Variants in UBXN2B observed in about 807,000 individuals in gnomAD.
UBXN2B encodes the protein UBX domain protein 2B.
Under a neutral mutation model 37.5 loss-of-function variants are expected in UBXN2B, and 19 were observed. That is an observed-to-expected ratio of 0.51 (90% CI 0.35 to 0.74). UBXN2B has a LOEUF of 0.74. Ranked by LOEUF, UBXN2B falls within the 30% of genes least tolerant of loss-of-function variation. UBXN2B has a pLI of 0.01. For synonymous variants in UBXN2B, 145 were observed against 143.8 expected (o/e 1.01, Z -0.06); for missense variants, 370 against 393.2 (o/e 0.94, Z 0.50).
intron 2 of UBXN2B, chr8:58,425,525 G>C (rs1448755411): frequency 2.5e-5 from 27 of 1,091,274 alleles, no homozygotes; most frequent in Non-Finnish European, 3.8e-5. Flanking sequence ...TCAAAGGGCA[G>C]GTTATTTTTA....
At chr8:58,425,925 C>T (rs1327776142) in intron 2 of UBXN2B, 8 of 1,321,470 alleles carry the variant, frequency 6.1e-6, no homozygotes, top group East Asian at 4.6e-5. Flanking sequence ...ACAGAGAGAA[C>T]AAAATCTCCA....
intron 2 of UBXN2B, among the ~76,000 whole-genome samples, chr8:58,428,333 TG>T (rs1191497416): frequency 3.3e-5 from 5 of 152,200 alleles, no homozygotes; most frequent in Admixed American, 3.3e-4. Flanking sequence ...TCATTCAACT[TG>T]TACTGGAGGT....
In UBXN2B at chr8:58,424,641, C is replaced by T. The variant is rs1198408555; in HGVS notation, c.189-5878C>T. The T allele has an allele frequency of 1.1e-5, 13 of 1,230,546 alleles. No individual in the cohort carries two copies. The South Asian group carries it at 1.6e-4, about 15-fold the overall frequency. 76.2% of individuals were successfully genotyped at this position (1,230,546 alleles called of 1,614,324 possible). On this transcript the variant is annotated intron_variant, in intron 2 of 7. Coordinates refer to ENST00000399598, the MANE Select transcript of UBXN2B (RefSeq NM_001077619.2). ...AGGCCCACGTTTTCATACACTCTAG[C>T]ACTGTCTGCTCTCATTTCTGCACAG...
intron 5 of UBXN2B, chr8:58,435,223 T>C: frequency 2.0e-6 from 2 of 1,005,630 alleles, no homozygotes; most frequent in Non-Finnish European, 2.6e-6. Context: ...ACCAGAGTTA[T>C]ATATACAGGG....
At chr8:58,426,748 T>G in intron 2 of UBXN2B, 1 of 653,268 alleles carries the variant, frequency 1.5e-6, no homozygotes, top group Non-Finnish European at 2.9e-6. Context: ...CTGGGCTCGG[T>G]CACGTTGGGC....
chr8:58,443,215 C>G (rs1314085869), intron 6 of UBXN2B, among the ~76,000 whole-genome samples: 2 of 152,186 alleles, frequency 1.3e-5, no homozygotes, highest in Non-Finnish European at 2.9e-5. Context: ...CGGGAATTCA[C>G]ATTCTTATTA....
At chr8:58,416,005 C>A (rs530778734) in intron 1 of UBXN2B, among the ~76,000 whole-genome samples, 1 of 147,098 alleles carries the variant, frequency 6.8e-6, no homozygotes, top group African/African-American at 2.5e-5. Flanking sequence ...GCATTTTAAT[C>A]TGTTTTGTTA....
chr8:58,418,026 A>G (rs919927382), intron 2 of UBXN2B, among the ~76,000 whole-genome samples: 1 of 152,112 alleles, frequency 6.6e-6, no homozygotes, highest in Non-Finnish European at 1.5e-5. Flanking sequence ...AGATCACTTG[A>G]GGTCAGGAGT....
At chr8:58,446,370 A>G (rs1427670616) in intron 7 of UBXN2B, among the ~76,000 whole-genome samples, 2 of 152,228 alleles carry the variant, frequency 1.3e-5, no homozygotes, top group South Asian at 2.1e-4. Flanking sequence ...AAGTCGAATC[A>G]GATTTAATTT....
intron 3 of UBXN2B, among the ~76,000 whole-genome samples, chr8:58,432,409 G>A (rs1206558655): frequency 1.5e-5 from 2 of 131,198 alleles, no homozygotes; most frequent in Non-Finnish European, 3.1e-5. Flanking sequence ...TTGAGACAGG[G>A]TCTCGCTCTG....
intron 5 of UBXN2B, among the ~76,000 whole-genome samples, chr8:58,437,549 C>T (rs1808445894): frequency 6.6e-6 from 1 of 151,574 alleles, no homozygotes; most frequent in Admixed American, 6.6e-5. Flanking sequence ...GATCTTGAAC[C>T]CCTGACCTTA....
At chr8:58,411,953 G>A (rs1249525021) in intron 1 of UBXN2B, among the ~76,000 whole-genome samples, 1 of 152,194 alleles carries the variant, frequency 6.6e-6, no homozygotes, top group Non-Finnish European at 1.5e-5. Flanking sequence ...AAGGGGTGAA[G>A]GAAAGCGATG....
intron 2 of UBXN2B, among the ~76,000 whole-genome samples, chr8:58,417,299 A>G (rs1421911193): frequency 6.6e-6 from 1 of 152,174 alleles, no homozygotes; most frequent in Non-Finnish European, 1.5e-5. Context: ...TAAGGGTCTG[A>G]TGAAAGCTAT....
intron 2 of UBXN2B, among the ~76,000 whole-genome samples, chr8:58,430,121 C>G (rs1209891623): frequency 1.3e-5 from 2 of 152,302 alleles, no homozygotes; most frequent in East Asian, 3.9e-4. Context: ...TCGTCACTAA[C>G]TAGGTCTCTA....
chr8:58,411,895 A>G (rs980040765), intron 1 of UBXN2B, among the ~76,000 whole-genome samples: 3 of 152,136 alleles, frequency 2.0e-5, no homozygotes, highest in Non-Finnish European at 4.4e-5. Context: ...TGACTTGCTT[A>G]CTTAAATATA....
chr8:58,437,211 T>C (rs1022438953), intron 5 of UBXN2B, among the ~76,000 whole-genome samples: 1 of 152,120 alleles, frequency 6.6e-6, no homozygotes, highest in African/African-American at 2.4e-5. Flanking sequence ...AAGGTCAGCC[T>C]TGTTACACCC....
In UBXN2B at chr8:58,433,500, C is replaced by T. The variant is rs77212900; in HGVS notation, c.423+257C>T. On this transcript the variant is annotated intron_variant, in intron 4 of 7. Transcript: ENST00000399598. ...TTTTCCAAATGAATTTGCAGCCAGG[C>T]GTGGTGACATGCATCTGGAGTCCCA... Among the ~76,000 whole-genome samples, 4,139 of 150,752 alleles carry T rather than the reference C, an allele frequency of 0.027. 210 individuals carry two copies. The highest frequency in any genetic ancestry group is 0.23 in the East Asian group (1,167 of 5,104).
intron 5 of UBXN2B, chr8:58,434,849 T>G: frequency 6.5e-7 from 1 of 1,535,610 alleles, no homozygotes; most frequent in South Asian, 1.2e-5. Flanking sequence ...TCCTGCTTAC[T>G]GTTGACAGGG....
At chr8:58,413,363 A>G (rs1585590000) in intron 1 of UBXN2B, 1 of 152,248 alleles carries the variant, frequency 6.6e-6, no homozygotes, top group East Asian at 1.9e-4. Flanking sequence ...TGGCATATCA[A>G]GAAATAAAGT....
Sources: allele counts gnomAD v4.1 joint callset (sites outside exome capture counted in the v4.1 genomes callset), GRCh38; gene constraint gnomAD v4.1.1; transcripts MANE v1.5; gene names NCBI Gene and HGNC (gene_info 2026-07-23, HGNC 2026-07-21).